The following CLSPN variants were observed in gnomAD, a reference collection of about 807,000 sequenced individuals.
The protein encoded by CLSPN is claspin.
A neutral mutation model predicts 156.3 loss-of-function variants in CLSPN; 85 were observed. That is an observed-to-expected ratio of 0.54 (90% CI 0.46 to 0.65). The LOEUF (loss-of-function observed/expected upper bound fraction) is 0.65. Among genes scored for constraint, CLSPN ranks in the 30% least tolerant of loss-of-function variants. The pLI is 0.00. For missense variants in CLSPN, 1,407 were observed against 1,554.9 expected, an observed-to-expected ratio of 0.90 and a Z score of 1.60; for synonymous variants, 534 against 542.4, an observed-to-expected ratio of 0.98 and a Z score of 0.22.
intron 18 of CLSPN, among the ~76,000 whole-genome samples, chr1:35,740,182 A>C (rs1040153596): frequency 2.6e-5 from 4 of 152,184 alleles, no homozygotes; most frequent in Non-Finnish European, 4.4e-5. Context: ...GAAAGGTAAT[A>C]AACTGGGATC....
chr1:35,757,345 C>T (rs1642307198), intron 8 of CLSPN, among the ~76,000 whole-genome samples: 1 of 152,158 alleles, frequency 6.6e-6, no homozygotes, highest in African/African-American at 2.4e-5. Context: ...AAGTTTATTG[C>T]ATGAATGAAT....
chr1:35,722,069 G>T (rs1308297699), intron 24 of CLSPN, among the ~76,000 whole-genome samples: 1 of 151,470 alleles, frequency 6.6e-6, no homozygotes, highest in Non-Finnish European at 1.5e-5. Context: ...AACCCAAGAG[G>T]CAGAGATTGC....
chr1:35,739,784 A>G (rs1641631194), intron 18 of CLSPN, among the ~76,000 whole-genome samples: 1 of 152,248 alleles, frequency 6.6e-6, no homozygotes, highest in Non-Finnish European at 1.5e-5. Flanking sequence ...ATAATATGAA[A>G]GTGCATTTTC....
chr1:35,730,713 A>G (rs1641294774), downstream of CLSPN, among the ~76,000 whole-genome samples: 6 of 151,024 alleles, frequency 4.0e-5, no homozygotes, highest in South Asian at 1.3e-3. Flanking sequence ...AAATACAAAA[A>G]TTAGCCGGGT....
At chr1:35,742,137 C>G (rs561761455) in intron 18 of CLSPN, among the ~76,000 whole-genome samples, 15 of 152,094 alleles carry the variant, frequency 9.9e-5, no homozygotes, top group Non-Finnish European at 1.9e-4. Context: ...AAAGAATTAG[C>G]CAGGTGTGGT....
chr1:35,755,261 A>T (rs927525531), intron 8 of CLSPN, among the ~76,000 whole-genome samples: 3 of 149,080 alleles, frequency 2.0e-5, no homozygotes, highest in African/African-American at 7.4e-5. Context: ...CACCATATCC[A>T]GCTAATTTTT....
rs1642542943 is a variant in CLSPN, at chr1:35,763,174, CTT to C, written c.728_729del (p.Lys243SerfsTer19). The part of the protein sequence containing the change: ...LESIRAAVKN[K>X]VKKHKKKEPS... ...GCTTTACTTGCCTTGTGCTTTTTTA[CTT>C]TGTTTTTTACAGCTGCTCTTATTGA... On this transcript the variant is annotated frameshift_variant, in exon 4 of 25. Transcript: ENST00000318121. LOFTEE classifies it high-confidence loss of function. 1 of 1,571,358 alleles carries C rather than the reference CTT, an allele frequency of 6.4e-7. No homozygotes were observed. The highest frequency in any genetic ancestry group is 8.6e-7 in the Non-Finnish European group (1 of 1,163,666).
In CLSPN at chr1:35,764,283, T is replaced by G; in HGVS notation, c.565A>C (p.Lys189Gln). ...KMEKIRQLKK[K>Q]ETKNQEDDVE... ...AAATGTACCTGGTTTTTTGTTTCCT[T>G]CTTTTTTAGCTGTCTAATTTTTTCC... The change falls in exon 3 of 25, where the codon AAG becomes CAG. Residue 189 changes from lysine (K) to glutamine (Q), a missense_variant. By Grantham distance (53) the Lys-to-Gln change is moderately conservative. Coordinates refer to ENST00000318121, the MANE Select transcript of CLSPN (RefSeq NM_022111.4). The G allele has an allele frequency of 6.4e-7, 1 of 1,566,778 alleles. No homozygotes were observed. The highest frequency in any genetic ancestry group is 8.6e-7 in the Non-Finnish European group (1 of 1,164,130).
intron 6 of CLSPN, among the ~76,000 whole-genome samples, chr1:35,761,752 T>G (rs767581707): frequency 7.2e-5 from 11 of 152,134 alleles, no homozygotes; most frequent in Non-Finnish European, 1.6e-4. Flanking sequence ...CCTGACACAA[T>G]CAGTCCATAG....
intron 24 of CLSPN, among the ~76,000 whole-genome samples, chr1:35,723,852 A>G (rs2148605795): frequency 1.3e-5 from 2 of 152,244 alleles, no homozygotes; most frequent in African/African-American, 4.8e-5. Context: ...TTAGCCGGGC[A>G]TGGTGGCACA....
At position 35,735,576 on chromosome 1, in the gene CLSPN, C is replaced by T. The variant is rs1641436221; in HGVS notation, c.*920G>A. On this transcript the variant is annotated 3_prime_UTR_variant, in exon 25 of 25. Transcript: ENST00000318121. Reference sequence around the variant, plus strand: ...TACAAAAATTAGCCAGGTGTGGTGGCATGCACCTGTAGTCCCAGCTACTTG... The same window carrying T: ...TACAAAAATTAGCCAGGTGTGGTGGTATGCACCTGTAGTCCCAGCTACTTG... The T allele has an allele frequency of 4.1e-6, 2 of 488,554 alleles. No individual in the cohort carries two copies. Among genetic ancestry groups the T allele is most frequent in the South Asian group, 8.8e-5 (1 of 11,352 alleles). The allele number at this position is 488,554 out of a possible 1,614,324, so 30.3% of individuals were successfully genotyped here.
At position 35,732,338 on chromosome 1, in the gene CLSPN, A is replaced by G. The variant is rs1641338234; in HGVS notation, c.*4158T>C. 6 of 985,404 alleles carry G rather than the reference A, an allele frequency of 6.1e-6. No individual in the cohort carries two copies. The highest frequency in any genetic ancestry group is 7.2e-6 in the Non-Finnish European group (6 of 829,928). The allele number at this position is 985,404 out of a possible 1,614,324, so 61.0% of individuals were successfully genotyped here. On this transcript the variant is annotated 3_prime_UTR_variant, in exon 25 of 25. Coordinates refer to ENST00000318121, the MANE Select transcript of CLSPN (RefSeq NM_022111.4). The stretch of plus-strand genomic sequence containing the variant: ...AAGAGTGATTAGACATAACCCTAGG[A>G]GATAAAAACCAAAAACACCCCCTAA...
In CLSPN at chr1:35,762,549, C is replaced by T. The variant is rs1357735938; in HGVS notation, c.745-68G>A. 7 of 1,210,872 alleles carry T rather than the reference C, an allele frequency of 5.8e-6. No homozygotes were observed. The Admixed American group carries it at 1.0e-4, about 18-fold the overall frequency. The allele number at this position is 1,210,872 out of a possible 1,614,324, so 75.0% of individuals were successfully genotyped here. On this transcript the variant is annotated intron_variant, in intron 4 of 24. Transcript: ENST00000318121. ...AATAAGAGGATGCTTTAGCTGAAGA[C>T]TACTTTTGTAGTCCAACACCACATC... is the stretch of plus-strand genomic sequence containing the variant.
At chr1:35,730,279 C>T (rs1490066601), downstream of CLSPN, among the ~76,000 whole-genome samples, 5 of 152,116 alleles carry the variant, frequency 3.3e-5, no homozygotes, top group African/African-American at 1.2e-4. Context: ...TGTGGTGGCT[C>T]ATGCCTATAA....
At position 35,739,692 on chromosome 1, in the gene CLSPN, T is replaced by C. The variant is rs573095130; in HGVS notation, c.3144-163A>G. On this transcript the variant is annotated intron_variant, in intron 18 of 24. Transcript: ENST00000318121. ...TAGTCTCCACTTATGATGGTTTGAC[T>C]TAATGATTTTTCAACTTTACGATGA... Among the ~76,000 whole-genome samples, 6 of 152,246 alleles carry C rather than the reference T, an allele frequency of 3.9e-5. No individual in the cohort carries two copies. The South Asian group carries it at 1.0e-3, about 26-fold the overall frequency.
In CLSPN at chr1:35,753,760, T is replaced by A. The variant is rs757736048; in HGVS notation, c.1756A>T (p.Ser586Cys). Residue 586 changes from serine to cysteine, a missense_variant, in exon 9 of 25, where the codon AGC becomes TGC. Ser to Cys is a moderately radical substitution (Grantham distance 112). Transcript: ENST00000318121. ...GCTCAAATACCTGGTTTTGTGTGGC[T>A]TGCTCCATCCAACTTCTTAGGTGCT... ...TLAPKKLDGA[S>C]HTKPGEKLQV... is the part of the protein sequence containing the mutation. 6.2e-7 allele frequency: 1 copy of A among 1,614,220 alleles called. No homozygotes were observed. Among genetic ancestry groups the A allele is most frequent in the East Asian group, 2.2e-5 (1 of 44,890 alleles).
At position 35,732,621 on chromosome 1, in the gene CLSPN, A is replaced by G. The variant is rs1641344314; in HGVS notation, c.*3875T>C. ...TGTATGGAACAAGGAAGAAACAAAA[A>G]CACTGACACTGAGCCTACCCTATCT... On this transcript the variant is annotated 3_prime_UTR_variant, in exon 25 of 25. Coordinates refer to ENST00000318121, the MANE Select transcript of CLSPN (RefSeq NM_022111.4). The G allele has an allele frequency of 8.1e-6, 8 of 985,276 alleles. No homozygotes were observed. Among genetic ancestry groups the G allele is most frequent in the Non-Finnish European group, 9.6e-6 (8 of 829,928 alleles). 61.0% of individuals were successfully genotyped at this position (985,276 alleles called of 1,614,324 possible).
chr1:35,762,185 T>A, intron 5 of CLSPN, 115 bp from the exon 6 acceptor site: 3 of 861,974 alleles, frequency 3.5e-6, no homozygotes, highest in Non-Finnish European at 3.7e-6. Context: ...ATAGTAAGCA[T>A]GAGTAAGCCC....
chr1:35,736,963 G>A lies in CLSPN; in HGVS notation c.3860C>T (p.Thr1287Ile), dbSNP rs976500254. The A allele has an allele frequency of 1.2e-6, 2 of 1,614,170 alleles. No homozygotes were observed. Among genetic ancestry groups the A allele is most frequent in the Non-Finnish European group, 1.7e-6 (2 of 1,180,010 alleles). Residue 1287 changes from threonine to isoleucine, a missense_variant, in exon 24 of 25, where the codon ACA becomes ATA. This residue lies in a region of CLSPN where 241 missense variants were observed against 240.5 expected (regional missense o/e 1.00). Transcript: ENST00000318121. ...CGCCTCAGCCTTGACAGGAGAAAGT[G>A]TATGAAAGACAAAGTTTCTTGAATT... ...PRNSRNFVFH[T>I]LSPVKAEAAK...
Sources: allele counts gnomAD v4.1 joint callset (sites outside exome capture counted in the v4.1 genomes callset), GRCh38; gene constraint gnomAD v4.1.1; regional missense constraint gnomAD v4.1.1; transcripts MANE v1.5; gene names NCBI Gene and HGNC (gene_info 2026-07-23, HGNC 2026-07-21).